Variants in CNTN6 observed in about 807,000 individuals in gnomAD.
CNTN6 encodes contactin-6.
In CNTN6, 137 loss-of-function variants were observed where a neutral mutation model predicts 122.8. That is an observed-to-expected ratio of 1.12 (90% CI 0.97 to 1.29). CNTN6 has a LOEUF of 1.29. CNTN6 is among the 50% of genes most tolerant of loss of function. The pLI is 0.00. For missense variants in CNTN6, 1,634 were observed against 1,223.4 expected (o/e 1.34, Z -5.01); for synonymous variants, 570 against 426.0 (o/e 1.34, Z -4.16).
intron 2 of CNTN6, among the ~76,000 whole-genome samples, chr3:1,165,863 C>T (rs1291022579): frequency 6.6e-6 from 1 of 152,208 alleles, no homozygotes; most frequent in East Asian, 1.9e-4. Flanking sequence ...CACTGCCTTT[C>T]TTCGAGCACT....
intron 1 of CNTN6, chr3:1,128,171 T>C (rs2092229609): frequency 6.6e-6 from 1 of 151,952 alleles, no homozygotes; most frequent in African/African-American, 2.4e-5. Flanking sequence ...CCTTTTGAAA[T>C]TGTGATCTTT....
chr3:1,150,581 A>C (rs2092818602), intron 2 of CNTN6, among the ~76,000 whole-genome samples: 1 of 152,172 alleles, frequency 6.6e-6, no homozygotes, highest in Non-Finnish European at 1.5e-5. Context: ...AGTACTTAAA[A>C]GTTTAATTGT....
At chr3:1,140,967 A>G (rs1426345192) in intron 1 of CNTN6, among the ~76,000 whole-genome samples, 1 of 152,154 alleles carries the variant, frequency 6.6e-6, no homozygotes, top group African/African-American at 2.4e-5. Flanking sequence ...TGATGGCACA[A>G]TTTATCTTGC....
intron 12 of CNTN6, among the ~76,000 whole-genome samples, chr3:1,369,646 A>AT (rs554917986): frequency 5.8e-4 from 88 of 152,278 alleles, no homozygotes; most frequent in African/African-American, 2.0e-3. Context: ...ACTTGCTGTC[A>AT]TTTTTAATGT....
intron 2 of CNTN6, among the ~76,000 whole-genome samples, chr3:1,170,859 C>T: frequency 6.6e-6 from 1 of 152,188 alleles, no homozygotes; most frequent in East Asian, 1.9e-4. Flanking sequence ...ACAAACCTTG[C>T]TTAGCATCTA....
At chr3:1,164,245 C>G (rs2093197750) in intron 2 of CNTN6, among the ~76,000 whole-genome samples, 1 of 152,196 alleles carries the variant, frequency 6.6e-6, no homozygotes, top group Non-Finnish European at 1.5e-5. Context: ...GTTTTAGAGG[C>G]AACAGTTCAC....
At chr3:1,385,416 G>GACTTTTTTCCTCATAAATATTAGAGAAT (rs1312033948) in intron 19 of CNTN6, among the ~76,000 whole-genome samples, 195 bp from the exon 20 acceptor site, 2 of 152,112 alleles carry the variant, frequency 1.3e-5, no homozygotes, top group African/African-American at 4.8e-5. Flanking sequence ...TTGCATTCAT[G>GACTTTTTTCCTCATAAATATTAGAGAAT]ACTTTTTTCC....
At chr3:1,203,806 T>G (rs2125442210) in intron 2 of CNTN6, among the ~76,000 whole-genome samples, 1 of 152,352 alleles carries the variant, frequency 6.6e-6, no homozygotes, top group Middle Eastern at 3.4e-3. Context: ...CATAATAACA[T>G]TTTGGTCAAT....
Position 1,220,669 on chromosome 3 carries a change from A to G in CNTN6, c.56-18A>G, listed in dbSNP as rs368836294. On this transcript the variant is annotated intron_variant, in intron 2 of 22. Transcript: ENST00000446702. ...GGGCCACTTTTTTTTCATGTGATTT[A>G]TTCTTTTCTTTTCCCAGGTGATGGT... 5.6e-6 allele frequency: 9 copies of G among 1,593,872 alleles called. No individual in the cohort carries two copies. The African/African-American group carries it at 8.1e-5, about 14-fold the overall frequency.
At chr3:1,317,478 CTTGT>C (rs1700253194) in intron 7 of CNTN6, among the ~76,000 whole-genome samples, 1 of 151,680 alleles carries the variant, frequency 6.6e-6, no homozygotes, top group South Asian at 2.1e-4. Context: ...AAGGTTGATG[CTTGT>C]TTGTTTTTCG....
intron 2 of CNTN6, among the ~76,000 whole-genome samples, chr3:1,213,157 A>G (rs540712183): frequency 2.0e-5 from 3 of 152,318 alleles, no homozygotes; most frequent in African/African-American, 4.8e-5. Flanking sequence ...TCTCACAAGT[A>G]TAAGATATTA....
chr3:1,374,191 A>G, intron 16 of CNTN6, 118 bp downstream of exon 16: 1 of 967,100 alleles, frequency 1.0e-6, no homozygotes, highest in Non-Finnish European at 1.5e-6. Flanking sequence ...TTGGCAGTAA[A>G]CGAGTGGCTC....
At chr3:1,130,318 C>A (rs2092303633) in intron 1 of CNTN6, among the ~76,000 whole-genome samples, 3 of 152,126 alleles carry the variant, frequency 2.0e-5, no homozygotes, top group Admixed American at 6.6e-5. Flanking sequence ...GCCACTGTAA[C>A]CCTGAAAGAT....
chr3:1,113,203 C>A (rs1253401381), intron 1 of CNTN6, among the ~76,000 whole-genome samples: 1 of 152,048 alleles, frequency 6.6e-6, no homozygotes, highest in Admixed American at 6.6e-5. Flanking sequence ...TCTAAAGAGG[C>A]CAGGGACTTT....
At chr3:1,185,610 T>C (rs2093618259) in intron 2 of CNTN6, among the ~76,000 whole-genome samples, 1 of 152,186 alleles carries the variant, frequency 6.6e-6, no homozygotes, top group Non-Finnish European at 1.5e-5. Flanking sequence ...ATAAATGAGA[T>C]AGTGCATGTA....
At chr3:1,180,150 A>C (rs1387688246) in intron 2 of CNTN6, among the ~76,000 whole-genome samples, 1 of 152,160 alleles carries the variant, frequency 6.6e-6, no homozygotes, top group East Asian at 1.9e-4. Context: ...CTGAAACTTA[A>C]TTTCAAATAG....
At chr3:1,306,437 T>A (rs748440902) in intron 7 of CNTN6, among the ~76,000 whole-genome samples, 1 of 152,136 alleles carries the variant, frequency 6.6e-6, no homozygotes, top group African/African-American at 2.4e-5. Flanking sequence ...AAAGATAACA[T>A]TAAACCCACT....
chr3:1,280,459 A>ATTTTTTTTTTTTTTTTTTTTTT lies in CNTN6; in HGVS notation c.454+1953_454+1974dup, dbSNP rs71619483. ...GTAATGGCAAACTTGTGTAATACCA[A>ATTTTTTTTTTTTTTTTTTTTTT]TTTTTTTTTTTTTTTTTTTTTTTGT... On this transcript the variant is annotated intron_variant, in intron 5 of 22. Coordinates refer to ENST00000446702, the MANE Select transcript of CNTN6 (RefSeq NM_001289080.2). 2.7e-3 allele frequency among the ~76,000 whole-genome samples: 177 copies of ATTTTTTTTTTTTTTTTTTTTTT among 66,612 alleles called. 41 individuals carry two copies. Among genetic ancestry groups the ATTTTTTTTTTTTTTTTTTTTTT allele is most frequent in the African/African-American group, 5.3e-3 (87 of 16,344 alleles). 43.7% of individuals were successfully genotyped at this position (66,612 alleles called of 152,430 possible). A position where few individuals can be genotyped will look rare whatever the true frequency, so the allele number is the denominator to read the frequency against.
chr3:1,274,402 C>G (rs1050443585), intron 4 of CNTN6, among the ~76,000 whole-genome samples: 3 of 152,138 alleles, frequency 2.0e-5, no homozygotes, highest in African/African-American at 7.2e-5. Context: ...TAGTATAAAG[C>G]TAATGACTGC....
Sources: allele counts gnomAD v4.1 joint callset (sites outside exome capture counted in the v4.1 genomes callset), GRCh38; gene constraint gnomAD v4.1.1; transcripts MANE v1.5; gene names NCBI Gene and HGNC (gene_info 2026-07-23, HGNC 2026-07-21).